Variants in NFATC3 observed in about 807,000 individuals in gnomAD.
NFATC3 encodes nuclear factor of activated T cells 3.
In NFATC3, 46 loss-of-function variants were observed where a neutral mutation model predicts 98.6. The observed-to-expected ratio is 0.47, with a 90% CI of 0.37 to 0.60. NFATC3 has a LOEUF of 0.60. Ranked by LOEUF, NFATC3 falls within the 20% of genes least tolerant of loss-of-function variation. The pLI is 0.00. For missense variants in NFATC3, 1,256 were observed against 1,295.5 expected, an observed-to-expected ratio of 0.97 and a Z score of 0.47; for synonymous variants, 512 against 472.2, an observed-to-expected ratio of 1.08 and a Z score of -1.09.
rs1316134760 is a variant in NFATC3, at chr16:68,085,522, A to G, written c.-160A>G. 6.9e-6 allele frequency: 4 copies of G among 582,648 alleles called. No homozygotes were observed. In the East Asian group the frequency reaches 1.1e-4, roughly 16 times the overall value. The allele number at this position is 582,648 out of a possible 1,614,324, so 36.1% of individuals were successfully genotyped here. ...GCGCGCGGCCAGCTTTCGGAACGGA[A>G]CGCTCGGCGTCGCGGGCCCCGCCCG... On this transcript the variant is annotated 5_prime_UTR_variant, in exon 1 of 10. Transcript: ENST00000346183.
intron 3 of NFATC3, among the ~76,000 whole-genome samples, chr16:68,145,136 T>C (rs1480130295): frequency 6.7e-6 from 1 of 148,976 alleles, no homozygotes; most frequent in East Asian, 1.9e-4. Context: ...TCTCTCTCTT[T>C]TTTTTTTTTT....
chr16:68,152,378 CAAAAAA>C (rs34713933), intron 3 of NFATC3, among the ~76,000 whole-genome samples: 1 of 75,850 alleles, frequency 1.3e-5, no homozygotes, highest in Non-Finnish European at 2.6e-5. Flanking sequence ...GACTCTGTCT[CAAAAAA>C]AAAAAAAAAA....
chr16:68,094,422 C>CA (rs199789472), intron 1 of NFATC3, among the ~76,000 whole-genome samples: 2,315 of 135,844 alleles, frequency 0.017, 49 homozygotes, highest in Admixed American at 0.054. Context: ...TTCACATGTT[C>CA]AAAAAAAAAA....
At chr16:68,117,786 G>A (rs1311885658) in intron 1 of NFATC3, among the ~76,000 whole-genome samples, 1 of 152,140 alleles carries the variant, frequency 6.6e-6, no homozygotes, top group Non-Finnish European at 1.5e-5. Flanking sequence ...CCAAAGTTCT[G>A]GGATTACAGG....
intron 9 of NFATC3, among the ~76,000 whole-genome samples, chr16:68,212,062 A>G (rs1339939546): frequency 6.6e-6 from 1 of 152,190 alleles, no homozygotes; most frequent in African/African-American, 2.4e-5. Flanking sequence ...CTGTACCTGT[A>G]ATCACATGTT....
intron 9 of NFATC3, among the ~76,000 whole-genome samples, chr16:68,202,335 C>A (rs1373278987): frequency 6.6e-6 from 1 of 151,900 alleles, no homozygotes; most frequent in African/African-American, 2.4e-5. Flanking sequence ...AAAAGACAAG[C>A]AGAAGAGCCT....
Position 68,158,051 on chromosome 16 carries a change from AAAT to A in NFATC3, c.1589_1591del (p.Asn530del). The A allele has an allele frequency of 6.2e-7, 1 of 1,612,588 alleles. No homozygotes were observed. Among genetic ancestry groups the A allele is most frequent in the Non-Finnish European group, 8.5e-7 (1 of 1,179,098 alleles). On this transcript the variant is annotated inframe_deletion, in exon 4 of 10. Coordinates refer to ENST00000346183, the MANE Select transcript of NFATC3 (RefSeq NM_173165.3). ...TTCTGGAAATTCCACTTCTTCCTGA[AAAT>A]AATATGTCAGCCAGGTATTTTGAAA...
At position 68,085,607 on chromosome 16, in the gene NFATC3, G is replaced by C. The variant is rs1446823159; in HGVS notation, c.-75G>C. On this transcript the variant is annotated 5_prime_UTR_variant, in exon 1 of 10. It removes the in-frame stop codon of an upstream open reading frame in the 5' UTR. Transcript: ENST00000346183. ...GCGCGGCCCGGCATGAAGCGGCGTT[G>C]AGGAGCTGCTGCCGCCGCTTGCCGC... 3 of 1,321,826 alleles carry C rather than the reference G, an allele frequency of 2.3e-6. No individual in the cohort carries two copies. Among genetic ancestry groups the C allele is most frequent in the Admixed American group, 5.4e-5 (2 of 36,820 alleles). 81.9% of individuals were successfully genotyped at this position (1,321,826 alleles called of 1,614,324 possible).
intron 1 of NFATC3, among the ~76,000 whole-genome samples, chr16:68,106,600 A>G (rs1388391350): frequency 1.3e-5 from 2 of 150,948 alleles, no homozygotes; most frequent in African/African-American, 4.9e-5. Flanking sequence ...TCTTTTTTGT[A>G]TTTTTAGTAG....
rs995542483 is a variant in NFATC3 at position 68,186,218 on chromosome 16, A to T, written c.2098+2852A>T. Among the ~76,000 whole-genome samples the T allele has an allele frequency of 2.8e-5, 4 of 143,472 alleles. No homozygotes were observed. In the Admixed American group the frequency reaches 2.8e-4, roughly 10 times the overall value. The allele number at this position is 143,472 out of a possible 152,430, so 94.1% of individuals were successfully genotyped here. A position where few individuals can be genotyped will look rare whatever the true frequency, so the allele number is the denominator to read the frequency against. On this transcript the variant is annotated intron_variant, in intron 8 of 9. Coordinates refer to ENST00000346183, the MANE Select transcript of NFATC3 (RefSeq NM_173165.3). ...CAAAAGTCAGTACATTACTGTAATT[A>T]AAAAAAAAAAAAGACAGGTGGAAAG...
intron 6 of NFATC3, among the ~76,000 whole-genome samples, chr16:68,180,136 G>A (rs1045297265): frequency 3.3e-5 from 5 of 152,140 alleles, no homozygotes; most frequent in African/African-American, 9.7e-5. Flanking sequence ...GGAGGAGCAC[G>A]TTTAAGCAGA....
intron 1 of NFATC3, among the ~76,000 whole-genome samples, chr16:68,100,409 C>G (rs928344050): frequency 6.6e-6 from 1 of 152,004 alleles, no homozygotes; most frequent in African/African-American, 2.4e-5. Context: ...CCCATCTCTA[C>G]TAAAAATACA....
At chr16:68,204,617 GT>G (rs1199758503) in intron 9 of NFATC3, among the ~76,000 whole-genome samples, 1 of 152,154 alleles carries the variant, frequency 6.6e-6, no homozygotes, top group Non-Finnish European at 1.5e-5. Context: ...TCTCACATGT[GT>G]TTTTAGTGGC....
At chr16:68,178,788 A>G (rs2039828029) in intron 6 of NFATC3, among the ~76,000 whole-genome samples, 2 of 152,216 alleles carry the variant, frequency 1.3e-5, no homozygotes, top group Admixed American at 1.3e-4. Context: ...GTATTATTGA[A>G]TTCATTTATT....
At chr16:68,094,935 G>A (rs1410251222) in intron 1 of NFATC3, among the ~76,000 whole-genome samples, 1 of 152,078 alleles carries the variant, frequency 6.6e-6, no homozygotes, top group Non-Finnish European at 1.5e-5. Flanking sequence ...GCGTTTCATT[G>A]ACCAAAACTG....
intron 3 of NFATC3, among the ~76,000 whole-genome samples, chr16:68,152,064 C>CA (rs113165246): frequency 0.025 from 2,016 of 80,242 alleles, 45 homozygotes; most frequent in Admixed American, 0.11. Context: ...GGCTCCGTTT[C>CA]AAAAAAAAAA....
intron 3 of NFATC3, among the ~76,000 whole-genome samples, chr16:68,134,312 C>T (rs908933302): frequency 6.6e-6 from 1 of 152,130 alleles, no homozygotes; most frequent in African/African-American, 2.4e-5. Context: ...CAGGCATGTA[C>T]CACCACGCTT....
At chr16:68,194,060 CTATT>C (rs926860993) in intron 9 of NFATC3, among the ~76,000 whole-genome samples, 1 of 152,082 alleles carries the variant, frequency 6.6e-6, no homozygotes, top group Non-Finnish European at 1.5e-5. Flanking sequence ...TAGCATTTTT[CTATT>C]TATTATCTAA....
chr16:68,182,511 AT>A (rs1275824498), intron 7 of NFATC3, among the ~76,000 whole-genome samples: 3 of 151,958 alleles, frequency 2.0e-5, no homozygotes, highest in Non-Finnish European at 4.4e-5. Context: ...GGATTATTTT[AT>A]TTTTTTAATT....
Sources: gnomAD v4.1 joint callset for allele counts (sites outside exome capture counted in the v4.1 genomes callset) on GRCh38, gnomAD v4.1.1 for gene constraint, MANE v1.5 for transcripts, NCBI Gene and HGNC (gene_info 2026-07-23, HGNC 2026-07-21) for gene names.